The following CSMD1 variants were observed in gnomAD, a reference collection of about 807,000 sequenced individuals.
CSMD1 encodes CUB and sushi domain-containing protein 1.
Under a neutral mutation model 417.5 loss-of-function variants are expected in CSMD1, and 213 were observed. That is an observed-to-expected ratio of 0.51 (90% CI 0.46 to 0.57). The LOEUF (loss-of-function observed/expected upper bound fraction) is 0.57, where lower values mean the gene tolerates loss of function less well. CSMD1 is among the 20% of genes least tolerant of loss of function. The pLI is 0.00. For missense variants in CSMD1, 6,923 were observed against 4,529.7 expected (o/e 1.53, Z -15.17); for synonymous variants, 2,862 against 1,736.8 (o/e 1.65, Z -16.11).
In CSMD1 at chr8:4,981,379, T is replaced by C. The variant is rs1810879905; in HGVS notation, c.85+12953A>G. On this transcript the variant is annotated intron_variant, in intron 1 of 69. Coordinates refer to ENST00000635120, the MANE Select transcript of CSMD1 (RefSeq NM_033225.6). ...ATCTGATAATTTAGAATTTGACTGA[T>C]AGGACCGAATTATCCCCTCCCCTCA... 2.0e-5 allele frequency among the ~76,000 whole-genome samples: 3 copies of C among 152,150 alleles called. No individual in the cohort carries two copies. In the South Asian group the frequency reaches 6.2e-4, roughly 32 times the overall value.
At chr8:3,627,407 T>G (rs553745888) in intron 7 of CSMD1, among the ~76,000 whole-genome samples, 1 of 152,298 alleles carries the variant, frequency 6.6e-6, no homozygotes, top group South Asian at 2.1e-4. Flanking sequence ...TCACGGCATA[T>G]CACCTCGAGT....
At chr8:4,021,201 A>G (rs527315107) in intron 4 of CSMD1, among the ~76,000 whole-genome samples, 1 of 152,370 alleles carries the variant, frequency 6.6e-6, no homozygotes, top group Admixed American at 6.5e-5. Flanking sequence ...CATAACTGAA[A>G]TACACATCAG....
At chr8:4,064,926 G>T (rs1329530673) in intron 3 of CSMD1, among the ~76,000 whole-genome samples, 1 of 127,344 alleles carries the variant, frequency 7.9e-6, no homozygotes, top group Non-Finnish European at 1.7e-5. Context: ...TAGGACCTAG[G>T]CTTAAAAAAA....
chr8:3,079,224 C>T (rs1813907882), intron 49 of CSMD1, among the ~76,000 whole-genome samples: 1 of 152,120 alleles, frequency 6.6e-6, no homozygotes, highest in African/African-American at 2.4e-5. Context: ...GGGAGTTGGC[C>T]AGTTTGAGCT....
intron 1 of CSMD1, among the ~76,000 whole-genome samples, chr8:4,946,333 AC>A (rs1188413824): frequency 6.6e-6 from 1 of 152,134 alleles, no homozygotes; most frequent in Admixed American, 6.5e-5. Flanking sequence ...AAACCTTAAA[AC>A]AATTTTTGAG....
intron 12 of CSMD1, among the ~76,000 whole-genome samples, chr8:3,410,205 T>C (rs974885036): frequency 1.3e-5 from 2 of 152,230 alleles, no homozygotes; most frequent in East Asian, 3.8e-4. Flanking sequence ...AATGTTGATC[T>C]GTCTCAAATG....
At chr8:3,340,384 A>AG (rs1385146069) in intron 23 of CSMD1, among the ~76,000 whole-genome samples, 1 of 152,110 alleles carries the variant, frequency 6.6e-6, no homozygotes, top group African/African-American at 2.4e-5. Flanking sequence ...TAAAAATGTT[A>AG]GGGTTTTTTT....
chr8:4,649,162 G>C (rs1444030228), intron 1 of CSMD1, among the ~76,000 whole-genome samples: 2 of 152,164 alleles, frequency 1.3e-5, no homozygotes. Flanking sequence ...TAGACTGGCA[G>C]CCATGAAGGC....
intron 62 of CSMD1, among the ~76,000 whole-genome samples, chr8:2,959,631 C>T (rs1488362052): frequency 1.3e-5 from 2 of 152,076 alleles, no homozygotes; most frequent in East Asian, 1.9e-4. Context: ...CTACGGGTTT[C>T]GGGGACACGC....
intron 5 of CSMD1, among the ~76,000 whole-genome samples, chr8:3,804,784 ATGTT>A (rs1236309117): frequency 6.6e-6 from 1 of 152,234 alleles, no homozygotes; most frequent in African/African-American, 2.4e-5. Flanking sequence ...GAAAGAAAAT[ATGTT>A]TGGTAATCTA....
At chr8:4,023,921 C>G (rs1796926707) in intron 4 of CSMD1, among the ~76,000 whole-genome samples, 1 of 151,764 alleles carries the variant, frequency 6.6e-6, no homozygotes, top group South Asian at 2.1e-4. Context: ...CCGACCACTG[C>G]TTTTCAACTT....
chr8:4,323,708 C>A (rs1041521117), intron 3 of CSMD1, among the ~76,000 whole-genome samples: 1 of 152,102 alleles, frequency 6.6e-6, no homozygotes, highest in Non-Finnish European at 1.5e-5. Flanking sequence ...TAGAAGGAAG[C>A]CGAGAGGGTA....
rs139361131 is a variant in CSMD1 at position 4,468,849 on chromosome 8, A to G, written c.303-48784T>C. On this transcript the variant is annotated intron_variant, in intron 2 of 69. Coordinates refer to ENST00000635120, the MANE Select transcript of CSMD1 (RefSeq NM_033225.6). ...AGCCCAAACAGCAATTGAATTATCA[A>G]TTAAGCTAATTATAAACTTGAACAC... 1.8e-3 allele frequency among the ~76,000 whole-genome samples: 271 copies of G among 152,310 alleles called. 1 individual carries two copies. Among genetic ancestry groups the G allele is most frequent in the African/African-American group, 6.2e-3 (256 of 41,554 alleles).
chr8:3,544,724 G>A (rs1177570673), intron 10 of CSMD1, among the ~76,000 whole-genome samples: 1 of 152,084 alleles, frequency 6.6e-6, no homozygotes, highest in Non-Finnish European at 1.5e-5. Context: ...ACGGGGTTCA[G>A]GGAGACCAGG....
intron 6 of CSMD1, among the ~76,000 whole-genome samples, chr8:3,752,901 G>A (rs771247166): frequency 6.6e-5 from 10 of 152,142 alleles, no homozygotes; most frequent in South Asian, 2.1e-4. Flanking sequence ...AAAGCATTAT[G>A]GATTTTAAAA....
At chr8:4,126,971 C>G (rs1010750533) in intron 3 of CSMD1, among the ~76,000 whole-genome samples, 5 of 152,216 alleles carry the variant, frequency 3.3e-5, no homozygotes, top group South Asian at 2.1e-4. Context: ...CACTGTCAAG[C>G]TGATGCTGGT....
At chr8:3,847,956 G>C (rs372923406) in intron 5 of CSMD1, among the ~76,000 whole-genome samples, 2 of 152,000 alleles carry the variant, frequency 1.3e-5, no homozygotes, top group South Asian at 4.2e-4. Context: ...AACAACCAAT[G>C]ATTTTTATTT....
At chr8:3,490,155 A>T (rs772939218) in intron 11 of CSMD1, among the ~76,000 whole-genome samples, 3 of 152,214 alleles carry the variant, frequency 2.0e-5, no homozygotes, top group Admixed American at 1.3e-4. Context: ...CTAAGGACAT[A>T]TATCAGTGGC....
In CSMD1 at chr8:3,866,917, C is replaced by A. The variant is rs534273778; in HGVS notation, c.819-112875G>T. Among the ~76,000 whole-genome samples the A allele has an allele frequency of 1.8e-3, 278 of 152,314 alleles. 1 individual carries two copies. The highest frequency in any genetic ancestry group is 1.7e-3 in the Non-Finnish European group (114 of 68,038). On this transcript the variant is annotated intron_variant, in intron 5 of 69. Coordinates refer to ENST00000635120, the MANE Select transcript of CSMD1 (RefSeq NM_033225.6). Reference sequence around the variant, plus strand: ...ACATGGTGATGTTTTCATACTGCCACTGGACATATGCATGTATGGATTTGT... The same window carrying A: ...ACATGGTGATGTTTTCATACTGCCAATGGACATATGCATGTATGGATTTGT...
Sources: gnomAD v4.1 joint callset for allele counts (sites outside exome capture counted in the v4.1 genomes callset) on GRCh38, gnomAD v4.1.1 for gene constraint, MANE v1.5 for transcripts, NCBI Gene and HGNC (gene_info 2026-07-23, HGNC 2026-07-21) for gene names.